The following EBF2 variants were observed in gnomAD, a reference collection of about 807,000 sequenced individuals.
The protein encoded by EBF2 is transcription factor COE2.
EBF2 carries 21 observed loss-of-function variants against 72.8 expected under a neutral mutation model. The observed-to-expected ratio is 0.29, with a 90% confidence interval of 0.20 to 0.42. EBF2 has a LOEUF of 0.42. EBF2 is among the 10% of genes least tolerant of loss of function. The pLI is 1.00. For synonymous variants in EBF2, 299 were observed against 274.2 expected (o/e 1.09, Z -0.89); for missense variants, 637 against 731.2 (o/e 0.87, Z 1.49).
At chr8:25,909,305 G>A (rs1033281392) in intron 6 of EBF2, among the ~76,000 whole-genome samples, 1 of 152,000 alleles carries the variant, frequency 6.6e-6, no homozygotes, top group Non-Finnish European at 1.5e-5. Context: ...AAGAAAAATG[G>A]CAGAAGTGGC....
intron 6 of EBF2, among the ~76,000 whole-genome samples, chr8:25,942,111 G>A (rs531309470): frequency 1.3e-5 from 2 of 152,188 alleles, no homozygotes; most frequent in African/African-American, 2.4e-5. Context: ...TCCCTAGACA[G>A]AGGTGAGCAC....
chr8:26,028,046 G>A (rs1805329570), intron 6 of EBF2, among the ~76,000 whole-genome samples: 2 of 152,242 alleles, frequency 1.3e-5, no homozygotes, highest in East Asian at 3.9e-4. Context: ...GAATGGTGGT[G>A]ATAGTTGCAC....
chr8:25,961,626 G>C (rs1227238158), intron 6 of EBF2, among the ~76,000 whole-genome samples: 2 of 152,148 alleles, frequency 1.3e-5, no homozygotes, highest in Non-Finnish European at 2.9e-5. Context: ...CTCCCAAAGT[G>C]CTGGGATTAC....
intron 6 of EBF2, among the ~76,000 whole-genome samples, chr8:25,939,833 A>G (rs1803640411): frequency 6.6e-6 from 1 of 152,234 alleles, no homozygotes; most frequent in African/African-American, 2.4e-5. Flanking sequence ...GAGAACAGAA[A>G]TGAGGGCCAG....
At chr8:25,982,295 C>T (rs1804375481) in intron 6 of EBF2, among the ~76,000 whole-genome samples, 1 of 152,256 alleles carries the variant, frequency 6.6e-6, no homozygotes, top group Non-Finnish European at 1.5e-5. Context: ...CTGCCTAGAA[C>T]ACCCACACTG....
chr8:26,009,623 A>G (rs572974991), intron 6 of EBF2, among the ~76,000 whole-genome samples: 1 of 152,358 alleles, frequency 6.6e-6, no homozygotes, highest in African/African-American at 2.4e-5. Flanking sequence ...CGCAAATTAA[A>G]AGTATCCGAG....
chr8:25,900,587 T>C (rs1231588206), intron 7 of EBF2, among the ~76,000 whole-genome samples: 1 of 152,176 alleles, frequency 6.6e-6, no homozygotes, highest in African/African-American at 2.4e-5. Context: ...AAATTAAAAA[T>C]GATTATTCTG....
intron 6 of EBF2, among the ~76,000 whole-genome samples, chr8:25,963,909 C>A (rs1281445050): frequency 6.6e-6 from 1 of 152,082 alleles, no homozygotes; most frequent in Non-Finnish European, 1.5e-5. Flanking sequence ...TCTAGTTTAG[C>A]CTCTTGTGAA....
rs1300675605 is a variant in EBF2, at chr8:26,026,326, G to A, written c.551+6759C>T. Among the ~76,000 whole-genome samples, 4 of 152,152 alleles carry A rather than the reference G, an allele frequency of 2.6e-5. No homozygotes were observed. The East Asian group carries it at 7.7e-4, about 29-fold the overall frequency. Reference sequence around the variant, plus strand: ...ATTATTGAGGAGCAGGGATGAATTAGCATACCTGACCCCCAAACTTGAGGC... The same window carrying A: ...ATTATTGAGGAGCAGGGATGAATTAACATACCTGACCCCCAAACTTGAGGC... On this transcript the variant is annotated intron_variant, in intron 6 of 15. Coordinates refer to ENST00000520164, the MANE Select transcript of EBF2 (RefSeq NM_022659.4).
intron 10 of EBF2, among the ~76,000 whole-genome samples, chr8:25,866,200 T>A (rs1413661791): frequency 6.6e-6 from 1 of 151,858 alleles, no homozygotes; most frequent in East Asian, 1.9e-4. Context: ...TTAATCCTAT[T>A]CTTGTATTGG....
intron 6 of EBF2, among the ~76,000 whole-genome samples, chr8:25,911,385 A>C (rs1341453167): frequency 6.6e-6 from 1 of 152,202 alleles, no homozygotes; most frequent in Non-Finnish European, 1.5e-5. Flanking sequence ...GAACACTAAC[A>C]ATCACAGGTT....
chr8:26,002,892 A>G (rs867258452), intron 6 of EBF2, among the ~76,000 whole-genome samples: 840 of 32,838 alleles, frequency 0.026, 3 homozygotes, highest in Middle Eastern at 0.065. Context: ...GCAGGCGGGC[A>G]GGCAGGCGGG....
At chr8:25,847,219 T>C (rs1328517511) in intron 15 of EBF2, among the ~76,000 whole-genome samples, 2 of 152,152 alleles carry the variant, frequency 1.3e-5, no homozygotes, top group Non-Finnish European at 2.9e-5. Flanking sequence ...GGGCAGCATA[T>C]GCCTTTGCAG....
intron 10 of EBF2, among the ~76,000 whole-genome samples, chr8:25,881,812 G>C (rs970716505): frequency 6.6e-6 from 1 of 152,134 alleles, no homozygotes; most frequent in Admixed American, 6.5e-5. Context: ...TGGGTGGCTG[G>C]ACATCCAGAG....
chr8:25,907,747 T>C (rs1021509636), intron 7 of EBF2, among the ~76,000 whole-genome samples: 11 of 152,160 alleles, frequency 7.2e-5, no homozygotes, highest in African/African-American at 2.7e-4. Flanking sequence ...AATTTTTCTA[T>C]GGAAAAGGAG....
At chr8:25,990,515 C>T (rs1804527019) in intron 6 of EBF2, among the ~76,000 whole-genome samples, 1 of 152,158 alleles carries the variant, frequency 6.6e-6, no homozygotes, top group Non-Finnish European at 1.5e-5. Context: ...AGAAAACAGC[C>T]TGTCTCTCTT....
chr8:25,907,983 G>A (rs997212790), intron 7 of EBF2, among the ~76,000 whole-genome samples: 1 of 152,170 alleles, frequency 6.6e-6, no homozygotes, highest in Non-Finnish European at 1.5e-5. Flanking sequence ...CTGGGTCACC[G>A]TCCCGTGGGT....
At chr8:25,993,109 A>G (rs1804571710) in intron 6 of EBF2, among the ~76,000 whole-genome samples, 1 of 151,568 alleles carries the variant, frequency 6.6e-6, no homozygotes, top group South Asian at 2.1e-4. Context: ...TGGAAAATCC[A>G]CTCCCCTGAA....
chr8:25,896,439 C>G (rs1802865271), intron 7 of EBF2, among the ~76,000 whole-genome samples: 1 of 152,174 alleles, frequency 6.6e-6, no homozygotes, highest in Admixed American at 6.5e-5. Context: ...TGTGCATACA[C>G]TCAGCTAAAT....
Sources: gnomAD v4.1 joint callset for allele counts (sites outside exome capture counted in the v4.1 genomes callset) on GRCh38, gnomAD v4.1.1 for gene constraint, MANE v1.5 for transcripts, NCBI Gene and HGNC (gene_info 2026-07-23, HGNC 2026-07-21) for gene names.